PIK3R6: variants seen among roughly 807,000 people sequenced by gnomAD.
The protein encoded by PIK3R6 is phosphoinositide-3-kinase regulatory subunit 6.
PIK3R6 carries 91 observed loss-of-function variants against 84.9 expected under a neutral mutation model. The observed-to-expected ratio is 1.07, with a 90% CI of 0.90 to 1.28. The LOEUF (loss-of-function observed/expected upper bound fraction) is 1.28. Among genes scored for constraint, PIK3R6 ranks in the 50% most tolerant of loss-of-function variants. The pLI, the probability that PIK3R6 is intolerant of heterozygous loss-of-function variation, is 0.00. For synonymous variants in PIK3R6, 416 were observed against 411.4 expected, an observed-to-expected ratio of 1.01 and a Z score of -0.13; for missense variants, 996 against 985.1, an observed-to-expected ratio of 1.01 and a Z score of -0.15.
intron 9 of PIK3R6, among the ~76,000 whole-genome samples, chr17:8,832,469 G>A (rs534420131): frequency 1.4e-4 from 17 of 124,156 alleles, no homozygotes; most frequent in African/African-American, 4.6e-4. Context: ...TGCAACCTCC[G>A]CCTCCCTGGT....
At chr17:8,817,289 T>C (rs977398612) in intron 18 of PIK3R6, among the ~76,000 whole-genome samples, 4 of 152,032 alleles carry the variant, frequency 2.6e-5, no homozygotes, top group South Asian at 4.1e-4. Context: ...CTAGTGAAAG[T>C]ACTTTTTGTG....
At chr17:8,829,297 CACACACACTG>C (rs1216737054) in intron 10 of PIK3R6, among the ~76,000 whole-genome samples, 1 of 117,154 alleles carries the variant, frequency 8.5e-6, no homozygotes. Flanking sequence ...ATCATGCATA[CACACACACTG>C]ACACACGCAT....
At chr17:8,822,909 A>C in intron 15 of PIK3R6, 87 bp downstream of exon 15, 1 of 1,146,712 alleles carries the variant, frequency 8.7e-7, no homozygotes, top group Non-Finnish European at 1.3e-6. Context: ...GTGGGCGTGC[A>C]GGCATCATCA....
intron 17 of PIK3R6, among the ~76,000 whole-genome samples, chr17:8,819,839 CAT>C (rs202121351): frequency 0.025 from 3,598 of 145,450 alleles, 151 homozygotes; most frequent in African/African-American, 0.083. Flanking sequence ...TATACACACA[CAT>C]ATATATGTAT....
At chr17:8,819,957 T>TA (rs1567574258) in intron 17 of PIK3R6, among the ~76,000 whole-genome samples, 5 of 75,914 alleles carry the variant, frequency 6.6e-5, no homozygotes, top group South Asian at 9.4e-4. Context: ...ATATATATAT[T>TA]TTTTTTTTGA....
chr17:8,809,899 G>GT (rs1450535144), intron 18 of PIK3R6, among the ~76,000 whole-genome samples: 1 of 151,982 alleles, frequency 6.6e-6, no homozygotes, highest in East Asian at 1.9e-4. Flanking sequence ...TAAATCAACA[G>GT]TAAAAAAAGA....
At chr17:8,863,345 C>A (rs758162653) in intron 1 of PIK3R6, among the ~76,000 whole-genome samples, 1 of 151,982 alleles carries the variant, frequency 6.6e-6, no homozygotes, top group Non-Finnish European at 1.5e-5. Flanking sequence ...CCATCTAATA[C>A]CTATCCTTTT....
Position 8,828,942 on chromosome 17 carries a change from CTG to C in PIK3R6, c.936_937del (p.Ser313CysfsTer2). 6.6e-7 allele frequency: 1 copy of C among 1,511,516 alleles called. No homozygotes were observed. The highest frequency in any genetic ancestry group is 8.8e-7 in the Non-Finnish European group (1 of 1,130,116). 93.6% of individuals were successfully genotyped at this position (1,511,516 alleles called of 1,614,324 possible). The stretch of plus-strand genomic sequence containing the variant: ...CAGATCCAAGACCTCCAAGTCAGCA[CTG>C]AGGCGCAGCTGGGATCTTGGGCGGA... On this transcript the variant is annotated frameshift_variant, in exon 11 of 20. Transcript: ENST00000619866. LOFTEE classifies it high-confidence loss of function.
At chr17:8,813,279 C>T (rs1050495472) in intron 18 of PIK3R6, among the ~76,000 whole-genome samples, 2 of 151,702 alleles carry the variant, frequency 1.3e-5, no homozygotes, top group African/African-American at 4.8e-5. Flanking sequence ...TTAAAAAAAA[C>T]CTCAGGAGCA....
chr17:8,804,146 G>T lies in PIK3R6; in HGVS notation c.2003C>A (p.Thr668Asn), dbSNP rs1400701733. The change falls in exon 19 of 20, where the codon ACC (threonine) becomes AAC (asparagine). Residue 668 changes from threonine (T) to asparagine (N), a missense_variant. Transcript: ENST00000619866. ...NLAGKSFSTVTNTFRTNNIQI... is the reference protein window; with the variant it reads ...NLAGKSFSTVNNTFRTNNIQI... ...GATATTGTTCGTCCTGAAGGTGTTG[G>T]TCACTGTCTGCAGCACAGAGATCGC... The T allele has an allele frequency of 1.9e-6, 3 of 1,613,268 alleles. No individual in the cohort carries two copies. Among genetic ancestry groups the T allele is most frequent in the Non-Finnish European group, 2.5e-6 (3 of 1,179,342 alleles).
intron 18 of PIK3R6, among the ~76,000 whole-genome samples, chr17:8,806,876 T>C (rs1404582534): frequency 6.6e-6 from 1 of 152,212 alleles, no homozygotes; most frequent in Non-Finnish European, 1.5e-5. Flanking sequence ...TTCCCCTCAG[T>C]GGTTATCATC....
chr17:8,844,213 C>A lies in PIK3R6; in HGVS notation c.14-4516G>T, dbSNP rs2088762497. 6.6e-6 allele frequency among the ~76,000 whole-genome samples: 1 copy of A among 152,232 alleles called. No individual in the cohort carries two copies. The highest frequency in any genetic ancestry group is 1.5e-5 in the Non-Finnish European group (1 of 68,030). On this transcript the variant is annotated intron_variant, in intron 2 of 19. Coordinates refer to ENST00000619866, the MANE Select transcript of PIK3R6 (RefSeq NM_001010855.4). This position sits in a 1 kb window ranked among gnomAD's most constrained non-coding sequence, Gnocchi z 4.5. ...GTCCCTCAAGGCAGGCTCTATCTCC[C>A]TCTGCACCTTGCAAGTCTGGCCAAG...
chr17:8,837,987 G>A, intron 4 of PIK3R6, 116 bp from the exon 5 acceptor site: 2 of 828,886 alleles, frequency 2.4e-6, no homozygotes, highest in South Asian at 3.0e-5. Flanking sequence ...GCCAGGGGGA[G>A]AGCAAAGGGC....
chr17:8,836,272 C>T (rs965122564), intron 7 of PIK3R6, among the ~76,000 whole-genome samples: 6 of 152,200 alleles, frequency 3.9e-5, no homozygotes, highest in Admixed American at 6.5e-5. Context: ...AGAGTGGCCC[C>T]GAGGCCATGT....
At chr17:8,838,067 G>T (rs2088543129) in intron 4 of PIK3R6, among the ~76,000 whole-genome samples, 196 bp from the exon 5 acceptor site, 1 of 152,118 alleles carries the variant, frequency 6.6e-6, no homozygotes, top group South Asian at 2.1e-4. Flanking sequence ...CAGTGAGGGT[G>T]TGGGAGCGTG....
In PIK3R6 at chr17:8,827,819, C is replaced by T. The variant is rs375444155; in HGVS notation, c.1392+293G>A. The stretch of plus-strand genomic sequence containing the variant: ...GAGAGAGAGAGAGAGAGAGAGAGAC[C>T]GCCCTGTGTTTGAGAAGTTTGCAAC... On this transcript the variant is annotated intron_variant, in intron 12 of 19. Coordinates refer to ENST00000619866, the MANE Select transcript of PIK3R6 (RefSeq NM_001010855.4). Among the ~76,000 whole-genome samples, 15 of 91,124 alleles carry T rather than the reference C, an allele frequency of 1.6e-4. 1 individual carries two copies. Among genetic ancestry groups the T allele is most frequent in the Admixed American group, 7.2e-4 (6 of 8,358 alleles). The allele number at this position is 91,124 out of a possible 152,430, so 59.8% of individuals were successfully genotyped here.
At chr17:8,851,024 G>A (rs1046772006) in intron 1 of PIK3R6, among the ~76,000 whole-genome samples, 2 of 151,890 alleles carry the variant, frequency 1.3e-5, no homozygotes, top group African/African-American at 4.8e-5. Flanking sequence ...AAATATCTAC[G>A]TTATTTAATC....
In PIK3R6 at chr17:8,828,140, A is replaced by G. The variant is rs544724196; in HGVS notation, c.1364T>C (p.Leu455Pro). 6.2e-7 allele frequency: 1 copy of G among 1,613,962 alleles called. No individual in the cohort carries two copies. Among genetic ancestry groups the G allele is most frequent in the African/African-American group, 1.3e-5 (1 of 75,032 alleles). ...AGGCGCCAGCACGGGGATGTAGTAG[A>G]GCTGCAGGCTGAGTCTGGGAGTGAG... is the stretch of plus-strand genomic sequence containing the variant. ...FCLTPRLSLQ[L>P]YYIPVLAPEK... Residue 455 changes from leucine (L) to proline (P), a missense_variant, in exon 12 of 20, where the codon CTC (leucine) becomes CCC (proline). By Grantham distance (98) the Leu-to-Pro change is moderately conservative. Coordinates refer to ENST00000619866, the MANE Select transcript of PIK3R6 (RefSeq NM_001010855.4).
intron 1 of PIK3R6, among the ~76,000 whole-genome samples, chr17:8,861,692 AC>A (rs2089291026): frequency 6.6e-6 from 1 of 152,086 alleles, no homozygotes; most frequent in Non-Finnish European, 1.5e-5. Context: ...TGTTCAAGTC[AC>A]CCTTATTTTA....
Sources: gnomAD v4.1 joint callset for allele counts (sites outside exome capture counted in the v4.1 genomes callset) on GRCh38, gnomAD v4.1.1 for gene constraint, Gnocchi (gnomAD v3.1) non-coding constraint, MANE v1.5 for transcripts, NCBI Gene and HGNC (gene_info 2026-07-23, HGNC 2026-07-21) for gene names.